Variants in CMSS1 observed in about 807,000 individuals in gnomAD.
The protein encoded by CMSS1 is cms1 ribosomal small subunit homolog, also known as protein CMSS1.
Under a neutral mutation model 43.5 loss-of-function variants are expected in CMSS1, and 33 were observed. That is an observed-to-expected ratio of 0.76 (90% CI 0.57 to 1.01). The LOEUF is 1.01. Ranked by LOEUF, CMSS1 falls within the 50% of genes least tolerant of loss-of-function variation. The probability of loss-of-function intolerance (pLI) is 0.00; values close to 1 mark genes in which losing one functional copy is unlikely to be tolerated. For missense variants in CMSS1, 313 were observed against 326.4 expected (o/e 0.96, Z 0.32); for synonymous variants, 115 against 117.2 (o/e 0.98, Z 0.12).
At chr3:100,010,778 ATTTTTTTTTTT>A (rs11371196) in intron 1 of CMSS1, among the ~76,000 whole-genome samples, 1 of 93,678 alleles carries the variant, frequency 1.1e-5, no homozygotes, top group African/African-American at 4.4e-5. Flanking sequence ...CCACGCCCGG[ATTTTTTTTTTT>A]TTTTTTTTTT....
intron 1 of CMSS1, among the ~76,000 whole-genome samples, chr3:100,056,680 CAGGT>C (rs1429085401): frequency 2.0e-5 from 3 of 151,460 alleles, no homozygotes; most frequent in Non-Finnish European, 4.4e-5. Flanking sequence ...GCCACACAAC[CAGGT>C]AGCAGCTCTA....
At chr3:100,053,053 C>G (rs1265120031) in intron 1 of CMSS1, among the ~76,000 whole-genome samples, 1 of 152,190 alleles carries the variant, frequency 6.6e-6, no homozygotes, top group Non-Finnish European at 1.5e-5. Context: ...TTTCTATTCT[C>G]TCCTGAAACA....
At chr3:100,008,490 T>A (rs1364089382) in intron 1 of CMSS1, among the ~76,000 whole-genome samples, 3 of 152,192 alleles carry the variant, frequency 2.0e-5, no homozygotes, top group African/African-American at 7.2e-5. Context: ...TCTCCAGGAC[T>A]TCTAGAGATT....
intron 1 of CMSS1, among the ~76,000 whole-genome samples, chr3:99,951,310 C>G (rs192621771): frequency 9.4e-4 from 143 of 152,270 alleles, no homozygotes; most frequent in African/African-American, 3.3e-3. Flanking sequence ...ATTTTACTTA[C>G]ATCTATATTA....
chr3:99,847,904 A>C, intron 1 of CMSS1: 1 of 980,410 alleles, frequency 1.0e-6, no homozygotes, highest in Non-Finnish European at 1.2e-6. Context: ...CAGAATGACC[A>C]AAAGAAAATT....
At chr3:99,845,641 CA>C (rs1943331035) in intron 1 of CMSS1, among the ~76,000 whole-genome samples, 1 of 151,916 alleles carries the variant, frequency 6.6e-6, no homozygotes, top group African/African-American at 2.4e-5. Context: ...CACACGCACA[CA>C]AAAAAATATA....
chr3:100,045,644 C>T (rs1216246421), intron 1 of CMSS1, among the ~76,000 whole-genome samples: 1 of 152,170 alleles, frequency 6.6e-6, no homozygotes, highest in Non-Finnish European at 1.5e-5. Context: ...GGTGGGTTCT[C>T]ATTATTGCTG....
At chr3:99,924,278 A>G (rs777596422) in intron 1 of CMSS1, 3 of 1,614,050 alleles carry the variant, frequency 1.9e-6, no homozygotes, top group East Asian at 2.2e-5. Context: ...ACTCTTCTCC[A>G]TGTATTCTTT....
intron 1 of CMSS1, among the ~76,000 whole-genome samples, chr3:99,974,151 A>T (rs1015903219): frequency 6.6e-6 from 1 of 152,186 alleles, no homozygotes; most frequent in Admixed American, 6.5e-5. Context: ...AATTGCTTGT[A>T]GGTATTGGAC....
intron 2 of CMSS1, among the ~76,000 whole-genome samples, chr3:100,149,833 A>G (rs2066888357): frequency 6.6e-6 from 1 of 152,128 alleles, no homozygotes; most frequent in Admixed American, 6.5e-5. Context: ...CAGTTTTCTC[A>G]TGACTCTTCC....
chr3:100,143,460 G>T (rs1314666728), intron 1 of CMSS1, among the ~76,000 whole-genome samples: 2 of 151,988 alleles, frequency 1.3e-5, no homozygotes, highest in East Asian at 3.8e-4. Flanking sequence ...ATGTTTTATG[G>T]CCTAGAATAT....
At chr3:99,884,748 C>G (rs528681670) in intron 1 of CMSS1, among the ~76,000 whole-genome samples, 1 of 152,190 alleles carries the variant, frequency 6.6e-6, no homozygotes, top group Non-Finnish European at 1.5e-5. Flanking sequence ...TGACTGTTAG[C>G]TTTCAGTTCA....
At chr3:99,961,216 C>A (rs1025456882) in intron 1 of CMSS1, among the ~76,000 whole-genome samples, 2 of 152,124 alleles carry the variant, frequency 1.3e-5, no homozygotes, top group African/African-American at 4.8e-5. Flanking sequence ...GGAGAATGCC[C>A]GAGGGGATCC....
At chr3:99,881,853 C>T (rs1277889012) in intron 1 of CMSS1, among the ~76,000 whole-genome samples, 3 of 151,996 alleles carry the variant, frequency 2.0e-5, no homozygotes, top group Non-Finnish European at 4.4e-5. Flanking sequence ...TTAAGTAATA[C>T]ATTTTTAAAG....
intron 1 of CMSS1, among the ~76,000 whole-genome samples, chr3:99,974,447 C>T (rs536269186): frequency 9.1e-4 from 139 of 152,262 alleles, no homozygotes; most frequent in African/African-American, 3.1e-3. Context: ...CAGTGGCTCA[C>T]GCCTGTAATC....
At chr3:99,915,573 T>C (rs1411349639) in intron 1 of CMSS1, among the ~76,000 whole-genome samples, 2 of 152,228 alleles carry the variant, frequency 1.3e-5, no homozygotes, top group African/African-American at 4.8e-5. Context: ...CAAACTAACA[T>C]TTCTGTTTCT....
At chr3:99,888,989 A>G (rs1705999795) in intron 1 of CMSS1, among the ~76,000 whole-genome samples, 1 of 152,168 alleles carries the variant, frequency 6.6e-6, no homozygotes, top group African/African-American at 2.4e-5. Context: ...TTTGATCAGT[A>G]TGTTATCTAT....
At chr3:100,041,911 A>C (rs1204434208) in intron 1 of CMSS1, among the ~76,000 whole-genome samples, 6 of 152,184 alleles carry the variant, frequency 3.9e-5, no homozygotes, top group Admixed American at 2.0e-4. Flanking sequence ...GACAGCTGAA[A>C]ACTAGGATAG....
At chr3:99,895,556 G>GTTCAT (rs1228762289) in intron 1 of CMSS1, among the ~76,000 whole-genome samples, 1 of 152,112 alleles carries the variant, frequency 6.6e-6, no homozygotes, top group Non-Finnish European at 1.5e-5. Context: ...AGGGAACTTA[G>GTTCAT]TTCACAATAG....
Sources: gnomAD v4.1 joint callset for allele counts (sites outside exome capture counted in the v4.1 genomes callset) on GRCh38, gnomAD v4.1.1 for gene constraint, MANE v1.5 for transcripts, NCBI Gene and HGNC (gene_info 2026-07-23, HGNC 2026-07-21) for gene names.